CDH22: variants seen among roughly 807,000 people sequenced by gnomAD.
CDH22 encodes the protein cadherin-22.
Under a neutral mutation model 58.4 loss-of-function variants are expected in CDH22, and 30 were observed. The ratio of observed to expected loss-of-function variants is 0.51; its 90% CI spans 0.38 to 0.70. CDH22 has a LOEUF of 0.70. Among genes scored for constraint, CDH22 ranks in the 30% least tolerant of loss-of-function variants. CDH22 has a pLI of 0.00. For missense variants in CDH22, 1,014 were observed against 1,233.9 expected (o/e 0.82, Z 2.67); for synonymous variants, 513 against 558.2 (o/e 0.92, Z 1.14).
chr20:46,300,155 A>G lies in CDH22; in HGVS notation c.-400+8100T>C, dbSNP rs2086644912. ...GTCCCTAAAGGCCCTTTCAACTCCA[A>G]AATGCATAACCCTAAACACAGCCAC... On this transcript the variant is annotated intron_variant, in intron 1 of 11. Coordinates refer to ENST00000537909, the MANE Select transcript of CDH22 (RefSeq NM_021248.3). This position sits in a 1 kb window ranked among gnomAD's most constrained non-coding sequence, Gnocchi z 4.4. 6.6e-6 allele frequency among the ~76,000 whole-genome samples: 1 copy of G among 152,068 alleles called. No homozygotes were observed. The highest frequency in any genetic ancestry group is 2.1e-4 in the South Asian group (1 of 4,830).
At chr20:46,275,445 C>T (rs2086512953) in intron 1 of CDH22, among the ~76,000 whole-genome samples, 1 of 152,346 alleles carries the variant, frequency 6.6e-6, no homozygotes, top group Middle Eastern at 3.4e-3. Flanking sequence ...ACTCCCCTTT[C>T]TCTATTCTTT....
chr20:46,179,866 G>A lies in CDH22; in HGVS notation c.1664-1669C>T, dbSNP rs377417688. On this transcript the variant is annotated intron_variant, in intron 10 of 11. Coordinates refer to ENST00000537909, the MANE Select transcript of CDH22 (RefSeq NM_021248.3). ...TCTTCCCTGTGCTGCACCCGCTGCC[G>A]GCTCCCTGTCTAGGCCGCCCTGCCT... is the stretch of plus-strand genomic sequence containing the variant. 1.5e-3 allele frequency among the ~76,000 whole-genome samples: 235 copies of A among 152,186 alleles called. 2 individuals are homozygous for A. Among genetic ancestry groups the A allele is most frequent in the African/African-American group, 5.3e-3 (219 of 41,508 alleles).
chr20:46,275,049 T>C (rs1453740525), intron 1 of CDH22, among the ~76,000 whole-genome samples: 1 of 152,184 alleles, frequency 6.6e-6, no homozygotes, highest in Non-Finnish European at 1.5e-5. Context: ...CGAAAACTCA[T>C]TGAATTGTGT....
intron 1 of CDH22, among the ~76,000 whole-genome samples, chr20:46,292,923 T>TGA (rs2086611069): frequency 6.6e-6 from 1 of 151,158 alleles, no homozygotes; most frequent in Admixed American, 6.6e-5. Flanking sequence ...TGGTTGTGTG[T>TGA]GTGTGTGTGT....
At chr20:46,185,686 AG>A (rs2085820116) in intron 10 of CDH22, among the ~76,000 whole-genome samples, 1 of 151,504 alleles carries the variant, frequency 6.6e-6, no homozygotes, top group Non-Finnish European at 1.5e-5. Flanking sequence ...TGGGCAACAC[AG>A]CAAGACCCCA....
chr20:46,288,689 C>T (rs1600727856), intron 1 of CDH22, among the ~76,000 whole-genome samples: 4 of 152,340 alleles, frequency 2.6e-5, no homozygotes, highest in Admixed American at 2.6e-4. Context: ...CAACTCCATG[C>T]TTCCAGCTGC....
At chr20:46,250,063 T>TCCCCAGCATCACACATGGG (rs2086359147) in intron 2 of CDH22, among the ~76,000 whole-genome samples, 1 of 152,106 alleles carries the variant, frequency 6.6e-6, no homozygotes, top group Non-Finnish European at 1.5e-5. Context: ...TCACCTTTTC[T>TCCCCAGCATCACACATGGG]CCCCAGCATC....
chr20:46,223,779 CTCTT>C lies in CDH22; in HGVS notation c.670+3725_670+3728del, dbSNP rs1415383026. ...CTTTTTCTTTCTTTCTTTCTTTCCT[CTCTT>C]TCTTTTTCTTTCTTTCTTCTTCCTT... On this transcript the variant is annotated intron_variant, in intron 4 of 11. Transcript: ENST00000537909. Among the ~76,000 whole-genome samples, 17 of 135,046 alleles carry C rather than the reference CTCTT, an allele frequency of 1.3e-4. No individual in the cohort carries two copies. In the East Asian group the frequency reaches 1.7e-3, roughly 14 times the overall value. 88.6% of individuals were successfully genotyped at this position (135,046 alleles called of 152,430 possible). A position where few individuals can be genotyped will look rare whatever the true frequency, so the allele number is the denominator to read the frequency against.
At chr20:46,294,795 G>A (rs2086621210) in intron 1 of CDH22, among the ~76,000 whole-genome samples, 1 of 152,214 alleles carries the variant, frequency 6.6e-6, no homozygotes, top group Admixed American at 6.5e-5. Context: ...AAAAAACTGA[G>A]GCACTAGGAG....
At chr20:46,218,835 CG>C (rs2086104026) in intron 4 of CDH22, among the ~76,000 whole-genome samples, 1 of 152,058 alleles carries the variant, frequency 6.6e-6, no homozygotes, top group Non-Finnish European at 1.5e-5. Context: ...AAGGGTAGGG[CG>C]GGGGAGTCGA....
intron 2 of CDH22, among the ~76,000 whole-genome samples, chr20:46,244,281 G>A (rs1387630522): frequency 1.3e-5 from 2 of 152,158 alleles, no homozygotes; most frequent in African/African-American, 4.8e-5. Context: ...GCTCACGCTG[G>A]GGCCTACTGG....
chr20:46,288,864 G>C (rs967258452), intron 1 of CDH22, among the ~76,000 whole-genome samples: 12 of 152,198 alleles, frequency 7.9e-5, no homozygotes, highest in African/African-American at 2.4e-4. Context: ...CTGGATGATT[G>C]CAACAGCCTC....
intron 1 of CDH22, among the ~76,000 whole-genome samples, chr20:46,276,514 C>G (rs1304535925): frequency 6.6e-6 from 1 of 152,178 alleles, no homozygotes; most frequent in Non-Finnish European, 1.5e-5. Flanking sequence ...CCATGGCCAG[C>G]ATTTAGTAAG....
rs1283633233 is a variant in CDH22, at chr20:46,195,867, G to T, written c.1423+3556C>A. Among the ~76,000 whole-genome samples, 5 of 152,282 alleles carry T rather than the reference G, an allele frequency of 3.3e-5. No individual in the cohort carries two copies. In the East Asian group the frequency reaches 9.6e-4, roughly 29 times the overall value. On this transcript the variant is annotated intron_variant, in intron 8 of 11. Transcript: ENST00000537909. The stretch of plus-strand genomic sequence containing the variant: ...AGGTAATCCAGTATGACAGGCGGTG[G>T]CTCCTGGCTGAGTGCAACATTCTCC...
chr20:46,209,906 A>C, intron 7 of CDH22: 1 of 181,364 alleles, frequency 5.5e-6, no homozygotes. Flanking sequence ...ACACCAAGGG[A>C]GATGATGAGA....
chr20:46,181,003 G>A (rs887692677), intron 10 of CDH22, among the ~76,000 whole-genome samples: 1 of 147,776 alleles, frequency 6.8e-6, no homozygotes, highest in Non-Finnish European at 1.5e-5. Context: ...GGCTGGTCTC[G>A]AACTCCTGGG....
intron 1 of CDH22, among the ~76,000 whole-genome samples, chr20:46,292,126 G>T (rs2086606465): frequency 6.6e-6 from 1 of 152,314 alleles, no homozygotes; most frequent in East Asian, 1.9e-4. Context: ...CTTACCCAAG[G>T]TCACTCAGAG....
chr20:46,176,380 T>G (rs1364481441), intron 11 of CDH22, among the ~76,000 whole-genome samples: 1 of 152,186 alleles, frequency 6.6e-6, no homozygotes, highest in Non-Finnish European at 1.5e-5. Flanking sequence ...ATACTAATCT[T>G]TCCCCCTTCC....
chr20:46,298,738 C>G (rs1417843510), intron 1 of CDH22, among the ~76,000 whole-genome samples: 1 of 152,092 alleles, frequency 6.6e-6, no homozygotes, highest in Non-Finnish European at 1.5e-5. Context: ...CAGCTGGCAT[C>G]TCAATTTTCC....
Sources: gnomAD v4.1 joint callset for allele counts (sites outside exome capture counted in the v4.1 genomes callset) on GRCh38, gnomAD v4.1.1 for gene constraint, Gnocchi (gnomAD v3.1) non-coding constraint, MANE v1.5 for transcripts, NCBI Gene and HGNC (gene_info 2026-07-23, HGNC 2026-07-21) for gene names.